The following LPP variants were observed in gnomAD, a reference collection of about 807,000 sequenced individuals.
LPP encodes lipoma-preferred partner.
LPP carries 38 observed loss-of-function variants against 60.4 expected under a neutral mutation model. The ratio of observed to expected loss-of-function variants is 0.63; its 90% CI spans 0.49 to 0.83. LPP has a LOEUF of 0.83. Among genes scored for constraint, LPP ranks in the 40% least tolerant of loss-of-function variants. The probability of loss-of-function intolerance (pLI) is 0.00; values close to 1 mark genes in which losing one functional copy is unlikely to be tolerated. For missense variants in LPP, 902 were observed against 783.6 expected, an observed-to-expected ratio of 1.15 and a Z score of -1.80; for synonymous variants, 328 against 290.8, an observed-to-expected ratio of 1.13 and a Z score of -1.30.
chr3:188,505,407 T>A (rs1813170640), intron 5 of LPP, among the ~76,000 whole-genome samples: 1 of 152,206 alleles, frequency 6.6e-6, no homozygotes, highest in South Asian at 2.1e-4. Context: ...CACTTTGACC[T>A]TCCGTTTTCT....
chr3:188,833,737 C>T (rs1282329103), intron 9 of LPP, among the ~76,000 whole-genome samples: 1 of 152,090 alleles, frequency 6.6e-6, no homozygotes, highest in Non-Finnish European at 1.5e-5. Context: ...CAACCACGAA[C>T]CACCAAGAAT....
chr3:188,583,557 A>G lies in LPP; in HGVS notation c.430-25604A>G, dbSNP rs138558846. Among the ~76,000 whole-genome samples, 5 of 152,132 alleles carry G rather than the reference A, an allele frequency of 3.3e-5. No individual in the cohort carries two copies. In the East Asian group the frequency reaches 9.7e-4, roughly 29 times the overall value. On this transcript the variant is annotated intron_variant, in intron 6 of 11. Coordinates refer to ENST00000617246, the MANE Select transcript of LPP (RefSeq NM_001375462.1). ...AATCCTTACACCTTCCACCCTGCAAATGATCATTATCTCACTGCCTCTCCC... is the reference window on the plus strand; with the variant it reads ...AATCCTTACACCTTCCACCCTGCAAGTGATCATTATCTCACTGCCTCTCCC...
At chr3:188,341,595 C>T (rs1000916071) in intron 2 of LPP, 68 bp from the exon 3 acceptor site, 8 of 494,010 alleles carry the variant, frequency 1.6e-5, no homozygotes, top group Admixed American at 1.3e-4. Context: ...GAGGTTATGA[C>T]TATTAATGAA....
chr3:188,830,786 A>G (rs950178739), intron 9 of LPP, among the ~76,000 whole-genome samples: 2 of 152,148 alleles, frequency 1.3e-5, no homozygotes, highest in African/African-American at 2.4e-5. Flanking sequence ...AATTTTTCCT[A>G]TTACATAGTA....
chr3:188,772,566 C>T (rs1015332492), intron 9 of LPP, among the ~76,000 whole-genome samples: 2 of 152,058 alleles, frequency 1.3e-5, no homozygotes, highest in African/African-American at 4.8e-5. Context: ...GCCATCTTGG[C>T]TCACTGCAAC....
chr3:188,817,786 A>G (rs1752863336), intron 9 of LPP, among the ~76,000 whole-genome samples: 2 of 152,152 alleles, frequency 1.3e-5, no homozygotes, highest in South Asian at 4.1e-4. Context: ...TCAAAACCTA[A>G]CCTGAGGTGG....
At chr3:188,658,567 T>C (rs1319298872) in intron 7 of LPP, among the ~76,000 whole-genome samples, 2 of 152,224 alleles carry the variant, frequency 1.3e-5, no homozygotes. Context: ...CTTCCTGGCA[T>C]TTGCACAGCT....
chr3:188,708,325 A>G lies in LPP; in HGVS notation c.1172A>G (p.Asp391Gly), dbSNP rs1016335079. The G allele has an allele frequency of 6.2e-7, 1 of 1,614,036 alleles. No individual in the cohort carries two copies. Among genetic ancestry groups the G allele is most frequent in the Non-Finnish European group, 8.5e-7 (1 of 1,180,020 alleles). ...SSVAPSFRPEDELEHLTKKML... is the reference protein window; with the variant it reads ...SSVAPSFRPEGELEHLTKKML... ...GTTGCCCCTTCATTCCGCCCAGAGG[A>G]TGAGCTTGAGCACCTGACCAAAAAG... The change falls in exon 8 of 12, where the codon GAT becomes GGT. Residue 391 changes from aspartate to glycine, a missense_variant. Asp to Gly is a moderately conservative substitution (Grantham distance 94, BLOSUM62 -1). Coordinates refer to ENST00000617246, the MANE Select transcript of LPP (RefSeq NM_001375462.1).
At chr3:188,349,822 T>A (rs1765373161) in intron 3 of LPP, among the ~76,000 whole-genome samples, 1 of 152,202 alleles carries the variant, frequency 6.6e-6, no homozygotes, top group Admixed American at 6.5e-5. Flanking sequence ...CTCGGCCAGC[T>A]GTTGAATTGC....
intron 2 of LPP, among the ~76,000 whole-genome samples, chr3:188,290,292 G>A (rs933978807): frequency 6.6e-6 from 1 of 152,022 alleles, no homozygotes; most frequent in African/African-American, 2.4e-5. Flanking sequence ...GCAGTTTTGT[G>A]TACTGTTTAG....
At chr3:188,297,053 T>C (rs1748152888) in intron 2 of LPP, among the ~76,000 whole-genome samples, 1 of 152,060 alleles carries the variant, frequency 6.6e-6, no homozygotes, top group Admixed American at 6.5e-5. Flanking sequence ...GGGAAAAAAG[T>C]GGGAGGCTAG....
intron 9 of LPP, among the ~76,000 whole-genome samples, chr3:188,765,240 T>G (rs1170183153): frequency 1.3e-5 from 2 of 151,746 alleles, no homozygotes; most frequent in Non-Finnish European, 2.9e-5. Flanking sequence ...CTACGTCTGC[T>G]CTCTCACCTC....
At position 188,738,739 on chromosome 3, in the gene LPP, A is replaced by G. The variant is rs554700476; in HGVS notation, c.1241-21374A>G. ...GGATCCCTGGTGCTATGTGTATTTG[A>G]TTTTTGTTGTGAAAGTTGCATTCAC... On this transcript the variant is annotated intron_variant, in intron 8 of 11. Transcript: ENST00000617246. 4.6e-5 allele frequency among the ~76,000 whole-genome samples: 7 copies of G among 152,164 alleles called. No homozygotes were observed. The South Asian group carries it at 1.5e-3, about 32-fold the overall frequency.
intron 1 of LPP, among the ~76,000 whole-genome samples, chr3:188,172,144 T>C (rs959695573): frequency 1.1e-4 from 16 of 152,236 alleles, no homozygotes; most frequent in African/African-American, 3.9e-4. Flanking sequence ...CCTCTTCTTT[T>C]GTATTAAACA....
intron 4 of LPP, among the ~76,000 whole-genome samples, chr3:188,420,987 G>A (rs1169980687): frequency 6.6e-6 from 1 of 152,056 alleles, no homozygotes; most frequent in African/African-American, 2.4e-5. Context: ...AAATGAATAG[G>A]GCATGGGTTC....
intron 8 of LPP, among the ~76,000 whole-genome samples, chr3:188,755,159 A>T (rs554553353): frequency 1.3e-5 from 2 of 152,354 alleles, no homozygotes; most frequent in Non-Finnish European, 2.9e-5. Flanking sequence ...TCATATTTAA[A>T]GGTACAATAT....
chr3:188,579,198 T>C (rs1384535748), intron 6 of LPP, among the ~76,000 whole-genome samples: 3 of 152,210 alleles, frequency 2.0e-5, no homozygotes, highest in African/African-American at 7.2e-5. Flanking sequence ...CGCTGAATCC[T>C]GCCAAAAGCA....
intron 6 of LPP, among the ~76,000 whole-genome samples, chr3:188,579,633 T>A: frequency 7.2e-6 from 1 of 139,834 alleles, no homozygotes. Context: ...CTAACTTTAT[T>A]AACAATTCTA....
At chr3:188,312,796 A>C (rs1005702675) in intron 2 of LPP, 24 of 152,200 alleles carry the variant, frequency 1.6e-4, no homozygotes, top group African/African-American at 5.8e-4. Flanking sequence ...GTGGAATACT[A>C]TGCAGCCATA....
Sources: allele counts gnomAD v4.1 joint callset (sites outside exome capture counted in the v4.1 genomes callset), GRCh38; gene constraint gnomAD v4.1.1; transcripts MANE v1.5; gene names NCBI Gene and HGNC (gene_info 2026-07-23, HGNC 2026-07-21).